Variants in TPCN1 observed in about 807,000 individuals in gnomAD.
TPCN1 encodes two pore segment channel 1.
In TPCN1, 52 loss-of-function variants were observed where a neutral mutation model predicts 108.8. The ratio of observed to expected loss-of-function variants is 0.48; its 90% confidence interval spans 0.38 to 0.60. TPCN1 has a LOEUF of 0.60. TPCN1 is among the 20% of genes least tolerant of loss of function. The pLI is 0.00. For missense variants in TPCN1, 806 were observed against 1,072.8 expected (o/e 0.75, Z 3.47); for synonymous variants, 446 against 433.7 (o/e 1.03, Z -0.35).
intron 14 of TPCN1, among the ~76,000 whole-genome samples, chr12:113,279,647 A>C (rs1159896719): frequency 6.6e-6 from 1 of 150,974 alleles, no homozygotes; most frequent in African/African-American, 2.4e-5. Flanking sequence ...CTCGTGATCC[A>C]CCCACCTCGG....
intron 10 of TPCN1, 37 bp from the exon 11 acceptor site, chr12:113,276,882 A>G (rs1265873289): frequency 6.8e-7 from 1 of 1,460,998 alleles, no homozygotes; most frequent in Non-Finnish European, 9.6e-7. Context: ...TAACCACTCA[A>G]GGTCCTGAGC....
At chr12:113,278,877 C>A in intron 14 of TPCN1, 42 bp downstream of exon 14, 1 of 1,585,604 alleles carries the variant, frequency 6.3e-7, no homozygotes, top group Non-Finnish European at 8.7e-7. Flanking sequence ...AGCTGGGGGC[C>A]GATGGAGGTT....
At chr12:113,290,006 A>G in intron 21 of TPCN1, 122 bp from the exon 22 acceptor site, 1 of 646,648 alleles carries the variant, frequency 1.5e-6, no homozygotes, top group Non-Finnish European at 2.7e-6. Flanking sequence ...GCAGGAAACC[A>G]GGCTGCGGGC....
chr12:113,271,242 AT>A, intron 7 of TPCN1, among the ~76,000 whole-genome samples: 1 of 152,326 alleles, frequency 6.6e-6, no homozygotes, highest in East Asian at 1.9e-4. Flanking sequence ...GCGCAACTGC[AT>A]TCCAGCCTGG....
In TPCN1 at chr12:113,232,367, G is replaced by A. The variant is rs965635364; in HGVS notation, c.112+5403G>A. 2.0e-5 allele frequency among the ~76,000 whole-genome samples: 3 copies of A among 152,368 alleles called. No homozygotes were observed. Among genetic ancestry groups the A allele is most frequent in the Admixed American group, 6.5e-5 (1 of 15,308 alleles). On this transcript the variant is annotated intron_variant, in intron 2 of 27. Coordinates refer to ENST00000335509, the MANE Select transcript of TPCN1 (RefSeq NM_017901.6). The surrounding 1 kb of genome is among the most constrained non-coding windows in gnomAD (Gnocchi z 5.6). ...TTCAGGGTCTTCATGCAGCCAGGGC[G>A]AGTTGGCACCAGGCTCAGTCAAGGT...
In TPCN1 at chr12:113,273,719, C is replaced by T. The variant is rs367757029; in HGVS notation, c.942+51C>T. ...CTGAAGCAGCCTGCCCCTACCCATG[C>T]AGCACTAGGCACTGTGGGAGTGGAG... On this transcript the variant is annotated intron_variant, in intron 10 of 27. Coordinates refer to ENST00000335509, the MANE Select transcript of TPCN1 (RefSeq NM_017901.6). The surrounding 1 kb of genome is among the most constrained non-coding windows in gnomAD (Gnocchi z 4.0). 157 of 1,386,268 alleles carry T rather than the reference C, an allele frequency of 1.1e-4. 1 individual carries two copies. The African/African-American group carries it at 2.1e-3, about 18-fold the overall frequency. The allele number at this position is 1,386,268 out of a possible 1,614,324, so 85.9% of individuals were successfully genotyped here. A position where few individuals can be genotyped will look rare whatever the true frequency, so the allele number is the denominator to read the frequency against.
intron 19 of TPCN1, 130 bp downstream of exon 19, chr12:113,287,224 G>A (rs1956113573): frequency 2.7e-6 from 2 of 739,982 alleles, no homozygotes; most frequent in African/African-American, 3.5e-5. Context: ...GTCACCCCCT[G>A]GAGAATCACC....
chr12:113,266,350 C>A lies in TPCN1; in HGVS notation c.408C>A (p.Gly136=). Residue 136 remains glycine (G), a synonymous_variant, in exon 4 of 28, where the codon GGC becomes GGA. Transcript: ENST00000335509. The surrounding 1 kb of genome is among the most constrained non-coding windows in gnomAD (Gnocchi z 4.2). ...EAPAVPALRL[G]IYVHATLELF... ...CCGCCGTCCCCGCACTCCGGCTTGG[C>A]ATCTATGTGAGCGCACATGCTCCTC... 1 of 1,606,686 alleles carries A rather than the reference C, an allele frequency of 6.2e-7. No homozygotes were observed. The highest frequency in any genetic ancestry group is 8.5e-7 in the Non-Finnish European group (1 of 1,179,928).
chr12:113,237,468 T>C (rs1414493480), intron 2 of TPCN1, among the ~76,000 whole-genome samples: 1 of 152,110 alleles, frequency 6.6e-6, no homozygotes, highest in Non-Finnish European at 1.5e-5. Flanking sequence ...GCAATTCTAG[T>C]GCCCCAGCCT....
At position 113,284,518 on chromosome 12, in the gene TPCN1, C is replaced by G; in HGVS notation, c.1343-63C>G. On this transcript the variant is annotated intron_variant, in intron 15 of 27. Coordinates refer to ENST00000335509, the MANE Select transcript of TPCN1 (RefSeq NM_017901.6). This position sits in a 1 kb window ranked among gnomAD's most constrained non-coding sequence, Gnocchi z 4.1. ...GGAAGTTAACCAGGGACTTCAGCTG[C>G]GACCTGCAGATTTCTAAGCCCCCCT... is the stretch of plus-strand genomic sequence containing the variant. 1.3e-6 allele frequency: 2 copies of G among 1,590,058 alleles called. No individual in the cohort carries two copies. Among genetic ancestry groups the G allele is most frequent in the East Asian group, 4.5e-5 (2 of 44,780 alleles).
At chr12:113,287,144 G>T (rs773328857) in intron 19 of TPCN1, 50 bp downstream of exon 19, 1 of 1,473,540 alleles carries the variant, frequency 6.8e-7, no homozygotes, top group Non-Finnish European at 9.5e-7. Flanking sequence ...GGGAGGACGG[G>T]AATGCCCCAG....
intron 2 of TPCN1, among the ~76,000 whole-genome samples, chr12:113,253,554 C>T (rs1158153720): frequency 6.6e-6 from 1 of 152,160 alleles, no homozygotes; most frequent in African/African-American, 2.4e-5. Flanking sequence ...TGGTGCTACC[C>T]CTTGGCTGGG....
rs913879057 is a variant in TPCN1 at position 113,268,088 on chromosome 12, C to T, written c.528+132C>T. On this transcript the variant is annotated intron_variant, in intron 5 of 27. Coordinates refer to ENST00000335509, the MANE Select transcript of TPCN1 (RefSeq NM_017901.6). This position sits in a 1 kb window ranked among gnomAD's most constrained non-coding sequence, Gnocchi z 7.3. ...GCTCAGAGGTGTAACCCTAGGGTCCCTGTCCTGACCGTGCCCTCAGCCTTG... is the reference window on the plus strand; with the variant it reads ...GCTCAGAGGTGTAACCCTAGGGTCCTTGTCCTGACCGTGCCCTCAGCCTTG... 1 of 691,036 alleles carries T rather than the reference C, an allele frequency of 1.4e-6. No homozygotes were observed. Among genetic ancestry groups the T allele is most frequent in the Non-Finnish European group, 2.5e-6 (1 of 394,428 alleles). 42.8% of individuals were successfully genotyped at this position (691,036 alleles called of 1,614,324 possible). A position where few individuals can be genotyped will look rare whatever the true frequency, so the allele number is the denominator to read the frequency against.
chr12:113,252,333 G>A (rs940156978), intron 2 of TPCN1, among the ~76,000 whole-genome samples: 6 of 152,158 alleles, frequency 3.9e-5, no homozygotes, highest in African/African-American at 4.8e-5. Flanking sequence ...GGGATGCTGC[G>A]GTATAAGTGG....
chr12:113,271,797 G>C (rs576176454), intron 7 of TPCN1, among the ~76,000 whole-genome samples: 2 of 152,224 alleles, frequency 1.3e-5, no homozygotes, highest in Non-Finnish European at 2.9e-5. Context: ...GCAAGCTTCA[G>C]CTTCACTGGG....
rs1221013014 is a variant in TPCN1, at chr12:113,291,666, A to G, written c.2017A>G (p.Ile673Val). ...WSRLYFMTFY[I>V]VTMVVMTIIV... is the part of the protein sequence containing the mutation. ...CCGCCTCTACTTCATGACCTTTTAC[A>G]TTGTGACCATGGTAGGTCCCGGACC... is the stretch of plus-strand genomic sequence containing the variant. The change falls in exon 24 of 28, where the codon ATT (isoleucine) becomes GTT (valine). Residue 673 changes from isoleucine to valine, a missense_variant. Ile to Val is a conservative substitution (Grantham distance 29). Transcript: ENST00000335509. 13 of 1,613,682 alleles carry G rather than the reference A, an allele frequency of 8.1e-6. No individual in the cohort carries two copies. The highest frequency in any genetic ancestry group is 1.1e-5 in the South Asian group (1 of 90,994).
At chr12:113,241,393 C>T (rs917626479) in intron 2 of TPCN1, among the ~76,000 whole-genome samples, 3 of 152,208 alleles carry the variant, frequency 2.0e-5, no homozygotes, top group African/African-American at 7.2e-5. Context: ...TGGGGCGTGG[C>T]CAGTGTTCAT....
chr12:113,249,234 G>A (rs1954532984), intron 2 of TPCN1, among the ~76,000 whole-genome samples: 1 of 152,194 alleles, frequency 6.6e-6, no homozygotes, highest in Admixed American at 6.5e-5. Flanking sequence ...GCGAGAACCG[G>A]CCACGTGTTC....
At chr12:113,260,719 C>T (rs1954999090) in intron 3 of TPCN1, among the ~76,000 whole-genome samples, 1 of 152,154 alleles carries the variant, frequency 6.6e-6, no homozygotes, top group Non-Finnish European at 1.5e-5. Context: ...TGTGCCAACC[C>T]CCACAATTTC....
Sources: gnomAD v4.1 joint callset for allele counts (sites outside exome capture counted in the v4.1 genomes callset) on GRCh38, gnomAD v4.1.1 for gene constraint, Gnocchi (gnomAD v3.1) non-coding constraint, MANE v1.5 for transcripts, NCBI Gene and HGNC (gene_info 2026-07-23, HGNC 2026-07-21) for gene names.